XPNPEP3: variants seen among roughly 807,000 people sequenced by gnomAD.
XPNPEP3 encodes X-prolyl aminopeptidase 3.
In XPNPEP3, 41 loss-of-function variants were observed where a neutral mutation model predicts 60.0. The observed-to-expected ratio is 0.68, with a 90% CI of 0.53 to 0.89. The LOEUF is 0.89. Ranked by LOEUF, XPNPEP3 falls within the 40% of genes least tolerant of loss-of-function variation. The probability of loss-of-function intolerance (pLI) is 0.00; values close to 1 mark genes in which losing one functional copy is unlikely to be tolerated. For missense variants in XPNPEP3, 598 were observed against 638.9 expected (o/e 0.94, Z 0.69); for synonymous variants, 212 against 223.2 (o/e 0.95, Z 0.45).
At position 40,932,049 on chromosome 22, in the gene XPNPEP3, C is replaced by A. The variant is rs529930352; in HGVS notation, c.*5614C>A. 11 of 152,298 alleles carry A rather than the reference C, an allele frequency of 7.2e-5. No individual in the cohort carries two copies. Among genetic ancestry groups the A allele is most frequent in the African/African-American group, 2.6e-4 (11 of 41,564 alleles). 9.4% of individuals were successfully genotyped at this position (152,298 alleles called of 1,614,324 possible). A position where few individuals can be genotyped will look rare whatever the true frequency, so the allele number is the denominator to read the frequency against. ...TAATACAGAGATCAGAAATGTGAAG[C>A]ACAAATGCTGCTTCTCCCCCTCCTG... On this transcript the variant is annotated 3_prime_UTR_variant, in exon 10 of 10. Transcript: ENST00000357137.
intron 2 of XPNPEP3, among the ~76,000 whole-genome samples, chr22:40,872,076 A>G (rs945460897): frequency 1.3e-5 from 2 of 152,146 alleles, no homozygotes; most frequent in African/African-American, 4.8e-5. Flanking sequence ...GTTCCTCTGA[A>G]TTCTTGGGAG....
At chr22:40,909,346 A>T in intron 6 of XPNPEP3, 111 bp downstream of exon 6, 1 of 866,184 alleles carries the variant, frequency 1.2e-6, no homozygotes, top group South Asian at 1.4e-5. Context: ...CTGACATTTT[A>T]AAAGTATTTT....
At chr22:40,887,538 A>C (rs1254627005) in intron 4 of XPNPEP3, among the ~76,000 whole-genome samples, 3 of 152,164 alleles carry the variant, frequency 2.0e-5, no homozygotes, top group African/African-American at 7.2e-5. Context: ...GTGTCCTTAC[A>C]TGACAGTGAA....
At chr22:40,905,468 A>G (rs2058151115) in intron 4 of XPNPEP3, among the ~76,000 whole-genome samples, 1 of 152,170 alleles carries the variant, frequency 6.6e-6, no homozygotes, top group South Asian at 2.1e-4. Flanking sequence ...CTGAGGATAC[A>G]TTAGTGAGCA....
intron 1 of XPNPEP3, among the ~76,000 whole-genome samples, chr22:40,863,157 G>A (rs1028012495): frequency 3.3e-5 from 5 of 152,284 alleles, no homozygotes; most frequent in African/African-American, 1.2e-4. Context: ...AAGCCTTTGT[G>A]GGGAGTGGGG....
In XPNPEP3 at chr22:40,907,629, G is replaced by GA; in HGVS notation, c.837dup (p.Ala280SerfsTer6). On this transcript the variant is annotated frameshift_variant, in exon 5 of 10. Coordinates refer to ENST00000357137, the MANE Select transcript of XPNPEP3 (RefSeq NM_022098.4). LOFTEE classifies it high-confidence loss of function. ...GTTCACCAGTAAAGCCCCTGTGGAA[G>GA]AAGCCTTTCTTTATGCTAAGGTGAG... 6.2e-7 allele frequency: 1 copy of GA among 1,614,064 alleles called. No individual in the cohort carries two copies. The highest frequency in any genetic ancestry group is 8.5e-7 in the Non-Finnish European group (1 of 1,179,970).
chr22:40,900,784 T>G (rs891626569), intron 4 of XPNPEP3, among the ~76,000 whole-genome samples: 3 of 151,806 alleles, frequency 2.0e-5, no homozygotes, highest in African/African-American at 7.3e-5. Context: ...CAAAAATAAG[T>G]TAGCTGGGTG....
chr22:40,901,041 AC>A, intron 4 of XPNPEP3, among the ~76,000 whole-genome samples: 1 of 150,566 alleles, frequency 6.6e-6, no homozygotes, highest in Admixed American at 6.6e-5. Context: ...GATCAGTTGA[AC>A]TCAGGAGTTC....
At position 40,927,724 on chromosome 22, in the gene XPNPEP3, A is replaced by T. The variant is rs1321915628; in HGVS notation, c.*1289A>T. The T allele has an allele frequency of 6.6e-6, 1 of 151,738 alleles. No homozygotes were observed. Among genetic ancestry groups the T allele is most frequent in the Non-Finnish European group, 1.5e-5 (1 of 67,996 alleles). The allele number at this position is 151,738 out of a possible 1,614,324, so 9.4% of individuals were successfully genotyped here. On this transcript the variant is annotated 3_prime_UTR_variant, in exon 10 of 10. Coordinates refer to ENST00000357137, the MANE Select transcript of XPNPEP3 (RefSeq NM_022098.4). Reference sequence around the variant, plus strand: ...CCGTCTTTACTAAAAATACAAAAAAAATTAGCTGGGCGTGGTGGCGGATGC... The same window carrying T: ...CCGTCTTTACTAAAAATACAAAAAATATTAGCTGGGCGTGGTGGCGGATGC...
At chr22:40,858,114 A>G (rs1008117451) in intron 1 of XPNPEP3, among the ~76,000 whole-genome samples, 1 of 152,196 alleles carries the variant, frequency 6.6e-6, no homozygotes, top group Non-Finnish European at 1.5e-5. Context: ...GCAATTTTTC[A>G]GTCTTTTTTT....
chr22:40,925,395 C>T (rs2058231172), intron 9 of XPNPEP3, among the ~76,000 whole-genome samples: 1 of 152,138 alleles, frequency 6.6e-6, no homozygotes, highest in Non-Finnish European at 1.5e-5. Flanking sequence ...TTTTAGATTT[C>T]AAGTATTTTA....
At chr22:40,921,486 TAA>T (rs1271058960) in intron 7 of XPNPEP3, among the ~76,000 whole-genome samples, 21 of 103,882 alleles carry the variant, frequency 2.0e-4, no homozygotes, top group Admixed American at 4.2e-4. Flanking sequence ...ACCTTGTCTC[TAA>T]AAAAAAAAAA....
intron 4 of XPNPEP3, among the ~76,000 whole-genome samples, chr22:40,902,850 T>A (rs2058139749): frequency 7.0e-6 from 1 of 142,416 alleles, no homozygotes; most frequent in Non-Finnish European, 1.5e-5. Flanking sequence ...GCAAGGAGTC[T>A]GGAGAAGCCA....
At chr22:40,883,791 A>G (rs2058057866) in intron 3 of XPNPEP3, among the ~76,000 whole-genome samples, 1 of 152,186 alleles carries the variant, frequency 6.6e-6, no homozygotes, top group African/African-American at 2.4e-5. Context: ...ATTATAAACT[A>G]TCTTTAGTAA....
chr22:40,859,297 G>C (rs1353175294), intron 1 of XPNPEP3, among the ~76,000 whole-genome samples: 1 of 152,128 alleles, frequency 6.6e-6, no homozygotes, highest in African/African-American at 2.4e-5. Context: ...CAAACAATTA[G>C]CTTTTTCCTT....
At chr22:40,876,424 T>A (rs749522403) in intron 2 of XPNPEP3, among the ~76,000 whole-genome samples, 19 of 152,246 alleles carry the variant, frequency 1.2e-4, no homozygotes, top group Non-Finnish European at 2.8e-4. Context: ...TTTAAGTGTT[T>A]TATTACTTAA....
intron 6 of XPNPEP3, among the ~76,000 whole-genome samples, chr22:40,913,626 A>G (rs1032492055): frequency 1.3e-5 from 2 of 151,812 alleles, no homozygotes; most frequent in African/African-American, 4.8e-5. Context: ...GATATTTATG[A>G]TGTGCTAATG....
At chr22:40,860,607 A>G in intron 1 of XPNPEP3, 2 of 1,276,898 alleles carry the variant, frequency 1.6e-6, no homozygotes, top group South Asian at 1.6e-5. Context: ...TATAAACTCT[A>G]CTAAAGAAAA....
intron 1 of XPNPEP3, chr22:40,862,578 C>G (rs941091354): frequency 1.0e-6 from 1 of 985,294 alleles, no homozygotes; most frequent in African/African-American, 1.7e-5. Flanking sequence ...AGAGGAAGTA[C>G]TGGATGCTAA....
Sources: gnomAD v4.1 joint callset for allele counts (sites outside exome capture counted in the v4.1 genomes callset) on GRCh38, gnomAD v4.1.1 for gene constraint, MANE v1.5 for transcripts, NCBI Gene and HGNC (gene_info 2026-07-23, HGNC 2026-07-21) for gene names.